Variants in DPP6 observed in about 807,000 individuals in gnomAD.
DPP6 encodes the protein A-type potassium channel modulatory protein DPP6.
In DPP6, 69 loss-of-function variants were observed where a neutral mutation model predicts 122.6. The observed-to-expected ratio is 0.56, with a 90% CI of 0.46 to 0.69. DPP6 has a LOEUF of 0.69. DPP6 is among the 30% of genes least tolerant of loss of function. The pLI, the probability that DPP6 is intolerant of heterozygous loss-of-function variation, is 0.00. For missense variants in DPP6, 928 were observed against 1,116.9 expected (o/e 0.83, Z 2.41); for synonymous variants, 418 against 433.1 (o/e 0.97, Z 0.43).
At chr7:154,432,981 G>A (rs1818551201) in intron 1 of DPP6, among the ~76,000 whole-genome samples, 1 of 152,088 alleles carries the variant, frequency 6.6e-6, no homozygotes. Context: ...TCTATGATGT[G>A]CTAATGGACA....
chr7:154,812,997 T>G (rs1454177807), intron 16 of DPP6, among the ~76,000 whole-genome samples: 1 of 152,156 alleles, frequency 6.6e-6, no homozygotes. Context: ...CTTAAAATTT[T>G]TTATTGTACA....
intron 1 of DPP6, among the ~76,000 whole-genome samples, chr7:154,002,061 C>G: frequency 6.6e-6 from 1 of 152,176 alleles, no homozygotes; most frequent in Admixed American, 6.5e-5. Flanking sequence ...TGCCACTCTA[C>G]CAACCCTTTT....
intron 4 of DPP6, among the ~76,000 whole-genome samples, chr7:154,564,868 G>C (rs1162851405): frequency 6.6e-6 from 1 of 152,192 alleles, no homozygotes; most frequent in East Asian, 1.9e-4. Context: ...GCACTATTCT[G>C]CTTTCTCATT....
chr7:154,645,344 C>T (rs894974786), intron 6 of DPP6, among the ~76,000 whole-genome samples: 24 of 152,084 alleles, frequency 1.6e-4, no homozygotes, highest in African/African-American at 5.6e-4. Context: ...GGATTACAGG[C>T]GTGAGCCACT....
upstream of DPP6, among the ~76,000 whole-genome samples, chr7:153,884,451 A>G (rs1400113113): frequency 6.6e-6 from 1 of 152,200 alleles, no homozygotes; most frequent in Non-Finnish European, 1.5e-5. Context: ...TAGTTCAACC[A>G]TTGTGGAAGA....
chr7:154,309,246 C>T (rs1003652150), intron 1 of DPP6, among the ~76,000 whole-genome samples: 1 of 152,198 alleles, frequency 6.6e-6, no homozygotes, highest in African/African-American at 2.4e-5. Context: ...CTGTTCTCAT[C>T]ACACCTTGTA....
At position 154,804,923 on chromosome 7, in the gene DPP6, C is replaced by T. The variant is rs1185022833; in HGVS notation, c.1506C>T (p.Phe502=). ...ACCTTGGTGATCTTTGCAGCTACTTCCTGAGCACGGAGGACCTGCCTCGGA... is the reference window on the plus strand; with the variant it reads ...ACCTTGGTGATCTTTGCAGCTACTTTCTGAGCACGGAGGACCTGCCTCGGA... ...AYDEKGNKIY[F]LSTEDLPRRR... Residue 502 remains phenylalanine, a synonymous_variant, in exon 15 of 26, where the codon TTC becomes TTT. Coordinates refer to ENST00000377770, the MANE Select transcript of DPP6 (RefSeq NM_130797.4). The T allele has an allele frequency of 1.2e-6, 2 of 1,602,430 alleles. No individual in the cohort carries two copies. Among genetic ancestry groups the T allele is most frequent in the Admixed American group, 1.7e-5 (1 of 58,684 alleles).
chr7:154,483,343 A>C lies in DPP6; in HGVS notation c.457+8306A>C, dbSNP rs1823490220. The stretch of plus-strand genomic sequence containing the variant: ...GTGGTGATCATTTGAGTCATATTTA[A>C]ATTGTTTATTTCTTTCTGTTAAAGG... On this transcript the variant is annotated intron_variant, in intron 3 of 25. Coordinates refer to ENST00000377770, the MANE Select transcript of DPP6 (RefSeq NM_130797.4). This position sits in a 1 kb window ranked among gnomAD's most constrained non-coding sequence, Gnocchi z 8.1. Among the ~76,000 whole-genome samples the C allele has an allele frequency of 6.6e-6, 1 of 152,034 alleles. No homozygotes were observed. The highest frequency in any genetic ancestry group is 1.5e-5 in the Non-Finnish European group (1 of 68,016).
intron 2 of DPP6, among the ~76,000 whole-genome samples, chr7:154,461,911 G>C (rs992310212): frequency 3.9e-5 from 6 of 152,126 alleles, no homozygotes; most frequent in Non-Finnish European, 7.4e-5. Flanking sequence ...TTGCTAAATA[G>C]GGTATTACTC....
chr7:154,774,494 C>G (rs1322130937), intron 10 of DPP6, among the ~76,000 whole-genome samples: 1 of 152,186 alleles, frequency 6.6e-6, no homozygotes, highest in Non-Finnish European at 1.5e-5. Flanking sequence ...TTTCCACAGG[C>G]TTGATTAGCT....
chr7:154,467,265 T>C (rs1342879097), intron 2 of DPP6, among the ~76,000 whole-genome samples: 1 of 152,142 alleles, frequency 6.6e-6, no homozygotes, highest in Non-Finnish European at 1.5e-5. Flanking sequence ...CTGAGAATTT[T>C]GGGGGTCTGA....
rs1804054214 is a variant in DPP6 at position 154,868,149 on chromosome 7, GAC to G, written c.1813+60_1813+61del. The G allele has an allele frequency of 2.1e-5, 33 of 1,548,698 alleles. No individual in the cohort carries two copies. The South Asian group carries it at 4.0e-4, about 19-fold the overall frequency. On this transcript the variant is annotated intron_variant, in intron 18 of 25. Transcript: ENST00000377770. Reference sequence around the variant, plus strand: ...AAAAGAAAAAGAAAACGTGGGCTGTGACACAGTGCAGTCATCAGCAGCAGGTG... The same window carrying G: ...AAAAGAAAAAGAAAACGTGGGCTGTGACAGTGCAGTCATCAGCAGCAGGTG...
intron 1 of DPP6, among the ~76,000 whole-genome samples, chr7:154,440,350 T>TG: frequency 6.6e-6 from 1 of 151,892 alleles, no homozygotes; most frequent in East Asian, 1.9e-4. Context: ...CCCCCACTAC[T>TG]AGCAAAAGCA....
chr7:154,119,319 G>T (rs1218039784), intron 1 of DPP6, among the ~76,000 whole-genome samples: 1 of 152,134 alleles, frequency 6.6e-6, no homozygotes, highest in Non-Finnish European at 1.5e-5. Flanking sequence ...AATGAGTTCT[G>T]GTAGAAAGAA....
intron 23 of DPP6, among the ~76,000 whole-genome samples, chr7:154,888,862 G>T (rs946384786): frequency 6.6e-6 from 1 of 152,234 alleles, no homozygotes; most frequent in Admixed American, 6.5e-5. Flanking sequence ...GCAAGGAGGA[G>T]CTGGTCACAT....
intron 1 of DPP6, among the ~76,000 whole-genome samples, chr7:154,290,057 T>C (rs1416296472): frequency 1.3e-5 from 2 of 152,218 alleles, no homozygotes; most frequent in South Asian, 2.1e-4. Context: ...AATCATTTAT[T>C]ATTAAGTTAC....
chr7:154,543,508 A>G (rs1828896634), intron 4 of DPP6, among the ~76,000 whole-genome samples: 4 of 152,244 alleles, frequency 2.6e-5, no homozygotes, highest in Admixed American at 2.6e-4. Flanking sequence ...ATCCAGCAGG[A>G]AAGCTTTTAA....
chr7:153,985,653 T>C (rs757094959), intron 1 of DPP6, among the ~76,000 whole-genome samples: 1 of 152,194 alleles, frequency 6.6e-6, no homozygotes, highest in Non-Finnish European at 1.5e-5. Flanking sequence ...GTAAATCCAG[T>C]GGAAACATGA....
chr7:154,228,019 T>C (rs1197844846), intron 1 of DPP6, among the ~76,000 whole-genome samples: 4 of 152,228 alleles, frequency 2.6e-5, no homozygotes, highest in African/African-American at 9.7e-5. Flanking sequence ...TTAGAGATTA[T>C]TTTTCATTAT....
Sources: gnomAD v4.1 joint callset for allele counts (sites outside exome capture counted in the v4.1 genomes callset) on GRCh38, gnomAD v4.1.1 for gene constraint, Gnocchi (gnomAD v3.1) non-coding constraint, MANE v1.5 for transcripts, NCBI Gene and HGNC (gene_info 2026-07-23, HGNC 2026-07-21) for gene names.